The following CEACAM3 variants were observed in gnomAD, a reference collection of about 807,000 sequenced individuals.
The protein encoded by CEACAM3 is CEA cell adhesion molecule 3, also known as cell adhesion molecule CEACAM3.
CEACAM3 carries 32 observed loss-of-function variants against 30.1 expected under a neutral mutation model. That is an observed-to-expected ratio of 1.06 (90% CI 0.80 to 1.43). The LOEUF is 1.43. CEACAM3 is among the 40% of genes most tolerant of loss of function. CEACAM3 has a pLI of 0.00. For synonymous variants in CEACAM3, 134 were observed against 127.2 expected (o/e 1.05, Z -0.36); for missense variants, 290 against 316.3 (o/e 0.92, Z 0.63).
rs575264762 is a variant in CEACAM3, at chr19:41,807,399, G to C, written c.425-1414G>C. On this transcript the variant is annotated intron_variant, in intron 2 of 6. Transcript: ENST00000357396. ...ACGCTGAATGTCCTCTGTATCTTCT[G>C]TTCCTCTGTGGCCCAGGCTTCCAGC... The C allele has an allele frequency of 5.6e-6, 4 of 710,344 alleles. No individual in the cohort carries two copies. In the African/African-American group the frequency reaches 7.0e-5, roughly 12 times the overall value. 44.0% of individuals were successfully genotyped at this position (710,344 alleles called of 1,614,324 possible).
rs2073169049 is a variant in CEACAM3, at chr19:41,803,440, G to A, written c.425-5373G>A. Among the ~76,000 whole-genome samples, 22 of 140,432 alleles carry A rather than the reference G, an allele frequency of 1.6e-4. 1 individual carries two copies. The highest frequency in any genetic ancestry group is 3.2e-4 in the Non-Finnish European group (20 of 63,352). 92.1% of individuals were successfully genotyped at this position (140,432 alleles called of 152,430 possible). A position where few individuals can be genotyped will look rare whatever the true frequency, so the allele number is the denominator to read the frequency against. ...TTTGTGTGTGTATGTGTGTGTGTGTGTGTGTGTGTGTGTGTGTGTTGTTTT... is the reference window on the plus strand; with the variant it reads ...TTTGTGTGTGTATGTGTGTGTGTGTATGTGTGTGTGTGTGTGTGTTGTTTT... On this transcript the variant is annotated intron_variant, in intron 2 of 6. Transcript: ENST00000357396.
intron 2 of CEACAM3, among the ~76,000 whole-genome samples, chr19:41,800,727 T>C (rs781984548): frequency 6.6e-6 from 1 of 152,186 alleles, no homozygotes; most frequent in Non-Finnish European, 1.5e-5. Context: ...AAGGGCCCCC[T>C]GTCCAGTGGA....
intron 2 of CEACAM3, among the ~76,000 whole-genome samples, chr19:41,801,633 C>T (rs1461659488): frequency 1.3e-5 from 2 of 152,072 alleles, no homozygotes; most frequent in Non-Finnish European, 2.9e-5. Flanking sequence ...TGGCAGGGGA[C>T]TAGGGAATGG....
chr19:41,797,871 A>G lies in CEACAM3; in HGVS notation c.347A>G (p.Asp116Gly), dbSNP rs781892237. The change falls in exon 2 of 7, where the codon GAC (aspartate) becomes GGC (glycine). Residue 116 changes from aspartate to glycine, a missense_variant. By Grantham distance (94) the Asp-to-Gly change is moderately conservative. Transcript: ENST00000357396. ...CTGATCCAGAATGTCACCCAGAATG[A>G]CATAGGATTCTACACCCTACAAGTC... is the stretch of plus-strand genomic sequence containing the variant. ...SLLIQNVTQN[D>G]IGFYTLQVIK... 4 of 1,614,038 alleles carry G rather than the reference A, an allele frequency of 2.5e-6. No individual in the cohort carries two copies. The Admixed American group carries it at 5.0e-5, about 20-fold the overall frequency.
rs782310729 is a variant in CEACAM3 at position 41,810,918 on chromosome 19, T to C, written c.693+21T>C. On this transcript the variant is annotated intron_variant, in intron 6 of 6. Transcript: ENST00000357396. ...ATGAGGTGAGTGTGGGCCACGGATG[T>C]TCTGGTCCCACAGGCCCCAGGGGAC... is the stretch of plus-strand genomic sequence containing the variant. The C allele has an allele frequency of 3.1e-6, 5 of 1,609,218 alleles. No individual in the cohort carries two copies. In the African/African-American group the frequency reaches 5.4e-5, roughly 17 times the overall value.
intron 1 of CEACAM3, chr19:41,797,101 C>G (rs1335702532): frequency 2.7e-5 from 7 of 259,062 alleles, no homozygotes; most frequent in African/African-American, 1.3e-4. Flanking sequence ...CTCCTTAACT[C>G]ATCCACCAGT....
Position 41,808,900 on chromosome 19 carries a change from T to G in CEACAM3, c.512T>G (p.Val171Gly), listed in dbSNP as rs2073226056. 6.2e-7 allele frequency: 1 copy of G among 1,605,050 alleles called. No individual in the cohort carries two copies. Among genetic ancestry groups the G allele is most frequent in the African/African-American group, 1.3e-5 (1 of 74,642 alleles). ...LVGVALVAAL[V>G]CFLLLAKTGR... ...GGAGTGGCGCTGGTGGCCGCGCTGGTGTGTTTCCTGCTCCTTGCCAAAACT... is the reference window on the plus strand; with the variant it reads ...GGAGTGGCGCTGGTGGCCGCGCTGGGGTGTTTCCTGCTCCTTGCCAAAACT... The change falls in exon 3 of 7, where the codon GTG (valine) becomes GGG (glycine). Residue 171 changes from valine to glycine, a missense_variant. By Grantham distance (109) the Val-to-Gly change is moderately radical (BLOSUM62 -3). Transcript: ENST00000357396.
chr19:41,803,447 TG>T (rs1600518004), intron 2 of CEACAM3, among the ~76,000 whole-genome samples: 5 of 138,752 alleles, frequency 3.6e-5, no homozygotes, highest in Admixed American at 1.5e-4. Context: ...TGTGTGTGTG[TG>T]TGTGTGTGTG....
At chr19:41,801,657 G>C (rs2073148843) in intron 2 of CEACAM3, among the ~76,000 whole-genome samples, 1 of 152,166 alleles carries the variant, frequency 6.6e-6, no homozygotes, top group Non-Finnish European at 1.5e-5. Flanking sequence ...AAGCTGATTG[G>C]TTGGGGATAA....
intron 4 of CEACAM3, 21 bp from the exon 5 acceptor site, chr19:41,810,302 C>T: frequency 6.2e-7 from 1 of 1,601,482 alleles, no homozygotes; most frequent in Non-Finnish European, 8.5e-7. Flanking sequence ...CCCTGCTGCT[C>T]ACTCCTGTCT....
intron 2 of CEACAM3, among the ~76,000 whole-genome samples, chr19:41,803,721 C>CG: frequency 9.9e-6 from 1 of 101,438 alleles, no homozygotes; most frequent in South Asian, 4.7e-4. Flanking sequence ...CCGCCTTGGC[C>CG]TCCAAAAGTG....
chr19:41,809,817 G>A, intron 3 of CEACAM3, 148 bp from the exon 4 acceptor site: 1 of 749,934 alleles, frequency 1.3e-6, no homozygotes, highest in Non-Finnish European at 2.4e-6. Context: ...ACTCCCCTCT[G>A]CTGGGCTCCC....
chr19:41,811,131 A>G (rs781812018), intron 6 of CEACAM3, 41 bp from the exon 7 acceptor site: 9 of 1,602,110 alleles, frequency 5.6e-6, no homozygotes, highest in Non-Finnish European at 6.8e-6. Context: ...CCCTGTTCTG[A>G]GGAGACTAGA....
At chr19:41,801,828 A>G (rs1011898833) in intron 2 of CEACAM3, among the ~76,000 whole-genome samples, 1 of 152,210 alleles carries the variant, frequency 6.6e-6, no homozygotes, top group East Asian at 1.9e-4. Context: ...AGGTTCTACA[A>G]TAGTGATATT....
intron 2 of CEACAM3, among the ~76,000 whole-genome samples, chr19:41,803,459 T>TGTGTGTGTG (rs1209361017): frequency 1.1e-5 from 1 of 94,380 alleles, no homozygotes; most frequent in African/African-American, 3.1e-5. Flanking sequence ...TGTGTGTGTG[T>TGTGTGTGTG]TGTTTTGTTT....
intron 2 of CEACAM3, 83 bp downstream of exon 2, chr19:41,798,031 G>T: frequency 6.5e-7 from 1 of 1,534,820 alleles, no homozygotes; most frequent in Non-Finnish European, 8.7e-7. Flanking sequence ...GGCTGTGCCT[G>T]TGGCCCTCTC....
chr19:41,800,736 G>A (rs547307339), intron 2 of CEACAM3, among the ~76,000 whole-genome samples: 2 of 152,202 alleles, frequency 1.3e-5, no homozygotes, highest in African/African-American at 4.8e-5. Context: ...CTGTCCAGTG[G>A]ACACATGACC....
At chr19:41,808,147 T>A (rs1380826061) in intron 2 of CEACAM3, among the ~76,000 whole-genome samples, 1 of 152,178 alleles carries the variant, frequency 6.6e-6, no homozygotes, top group Non-Finnish European at 1.5e-5. Flanking sequence ...TCCCAAACTC[T>A]ACCCTGAGCC....
At chr19:41,809,218 A>C (rs1555827258) in intron 3 of CEACAM3, 1 of 160,726 alleles carries the variant, frequency 6.2e-6, no homozygotes, top group East Asian at 2.5e-4. Flanking sequence ...GGAGAGAAGG[A>C]GGGAGGGAAG....
Sources: allele counts gnomAD v4.1 joint callset (sites outside exome capture counted in the v4.1 genomes callset), GRCh38; gene constraint gnomAD v4.1.1; transcripts MANE v1.5; gene names NCBI Gene and HGNC (gene_info 2026-07-23, HGNC 2026-07-21).